Variants in GRIK1 observed in about 807,000 individuals in gnomAD.
The protein encoded by GRIK1 is glutamate receptor ionotropic, kainate 1.
A neutral mutation model predicts 105.7 loss-of-function variants in GRIK1; 69 were observed. The ratio of observed to expected loss-of-function variants is 0.65; its 90% confidence interval spans 0.54 to 0.80. GRIK1 has a LOEUF of 0.80. Ranked by LOEUF, GRIK1 falls within the 30% of genes least tolerant of loss-of-function variation. The pLI is 0.00. For missense variants in GRIK1, 1,109 were observed against 1,167.3 expected (o/e 0.95, Z 0.73); for synonymous variants, 438 against 431.3 (o/e 1.02, Z -0.19).
At chr21:29,890,934 T>G (rs930347065) in intron 1 of GRIK1, among the ~76,000 whole-genome samples, 7 of 152,150 alleles carry the variant, frequency 4.6e-5, no homozygotes, top group African/African-American at 1.7e-4. Context: ...GTATGTGTCA[T>G]AGATCACCAT....
At position 29,644,877 on chromosome 21, in the gene GRIK1, C is replaced by A. The variant is rs115816734; in HGVS notation, c.955-1908G>T. On this transcript the variant is annotated intron_variant, in intron 6 of 17. Coordinates refer to ENST00000327783, the MANE Select transcript of GRIK1 (RefSeq NM_001330994.2). ...GTCGCATGCTGTTCTAAATCCCTTG[C>A]AAACATTAAATTTTCACTATAACCT... is the stretch of plus-strand genomic sequence containing the variant. Among the ~76,000 whole-genome samples the A allele has an allele frequency of 5.6e-3, 857 of 152,252 alleles. 11 individuals carry two copies. Among genetic ancestry groups the A allele is most frequent in the African/African-American group, 0.02 (813 of 41,530 alleles).
chr21:29,561,360 G>A (rs2090475285), intron 15 of GRIK1, among the ~76,000 whole-genome samples: 1 of 152,054 alleles, frequency 6.6e-6, no homozygotes, highest in Admixed American at 6.6e-5. Context: ...AGATATTTGG[G>A]GTGAAATAAT....
intron 1 of GRIK1, among the ~76,000 whole-genome samples, chr21:29,919,725 A>C (rs2071127457): frequency 6.6e-6 from 1 of 152,126 alleles, no homozygotes; most frequent in Admixed American, 6.6e-5. Flanking sequence ...CCATATTTTT[A>C]AATGACTTCT....
rs1481817648 is a variant in GRIK1 at position 29,566,384 on chromosome 21, AT to A, written c.2131-4536del. 2.0e-5 allele frequency among the ~76,000 whole-genome samples: 3 copies of A among 152,242 alleles called. No homozygotes were observed. The East Asian group carries it at 5.8e-4, about 29-fold the overall frequency. On this transcript the variant is annotated intron_variant, in intron 14 of 17. Transcript: ENST00000327783. The stretch of plus-strand genomic sequence containing the variant: ...TTTATTAAATCTGAAATCACCCAGG[AT>A]TTTTTCTTTTTAATCCTGAGAGGCA...
At chr21:29,897,788 A>G (rs1232973896) in intron 1 of GRIK1, among the ~76,000 whole-genome samples, 1 of 152,268 alleles carries the variant, frequency 6.6e-6, no homozygotes, top group African/African-American at 2.4e-5. Context: ...GCACAAGCAT[A>G]ATAATTCCCA....
chr21:29,886,196 G>A (rs760423426), intron 1 of GRIK1, among the ~76,000 whole-genome samples: 1 of 152,092 alleles, frequency 6.6e-6, no homozygotes, highest in Non-Finnish European at 1.5e-5. Flanking sequence ...CAGAACTTGA[G>A]TTGAAACAGA....
At chr21:29,858,605 C>T (rs550066865) in intron 1 of GRIK1, among the ~76,000 whole-genome samples, 1 of 152,198 alleles carries the variant, frequency 6.6e-6, no homozygotes, top group East Asian at 1.9e-4. Flanking sequence ...CACAGCATTG[C>T]CTTTTACAAC....
intron 1 of GRIK1, among the ~76,000 whole-genome samples, chr21:29,901,206 A>G (rs2070393260): frequency 6.6e-6 from 1 of 152,210 alleles, no homozygotes; most frequent in Non-Finnish European, 1.5e-5. Flanking sequence ...GGAGAGATCT[A>G]AAATTGACAT....
intron 1 of GRIK1, among the ~76,000 whole-genome samples, chr21:29,905,871 C>T (rs988172547): frequency 5.3e-5 from 8 of 152,016 alleles, no homozygotes; most frequent in Non-Finnish European, 1.2e-4. Context: ...CAAGTGATCT[C>T]CCGACCTCGG....
At chr21:29,644,847 G>A (rs1234099877) in intron 6 of GRIK1, among the ~76,000 whole-genome samples, 1 of 152,180 alleles carries the variant, frequency 6.6e-6, no homozygotes, top group African/African-American at 2.4e-5. Flanking sequence ...GAGCACTTAT[G>A]ATATGTCGCA....
chr21:29,733,466 C>T (rs2064691837), intron 1 of GRIK1, among the ~76,000 whole-genome samples: 1 of 151,914 alleles, frequency 6.6e-6, no homozygotes, highest in South Asian at 2.1e-4. Flanking sequence ...GAAATTTGAA[C>T]ATAGTTTTAT....
At chr21:29,558,973 A>G (rs2090325770) in intron 15 of GRIK1, among the ~76,000 whole-genome samples, 1 of 152,174 alleles carries the variant, frequency 6.6e-6, no homozygotes, top group Non-Finnish European at 1.5e-5. Context: ...AAACGTTCTT[A>G]GGAGAGATGA....
chr21:29,543,944 C>T (rs1377466441), intron 16 of GRIK1, among the ~76,000 whole-genome samples: 1 of 152,108 alleles, frequency 6.6e-6, no homozygotes, highest in Non-Finnish European at 1.5e-5. Flanking sequence ...CTCCTTTTTC[C>T]CGTGTTTGCT....
rs981001315 is a variant in GRIK1, at chr21:29,806,050, G to C, written c.119-111987C>G. 2.6e-5 allele frequency among the ~76,000 whole-genome samples: 4 copies of C among 152,036 alleles called. No individual in the cohort carries two copies. In the East Asian group the frequency reaches 7.7e-4, roughly 29 times the overall value. On this transcript the variant is annotated intron_variant, in intron 1 of 17. Transcript: ENST00000327783. The stretch of plus-strand genomic sequence containing the variant: ...CTATAAAATTTTATAATAATCTAGA[G>C]TAAATAATAAAATTGTGCTGTGACA...
intron 16 of GRIK1, among the ~76,000 whole-genome samples, chr21:29,538,419 G>A (rs140917497): frequency 1.1e-3 from 167 of 152,242 alleles, no homozygotes; most frequent in Admixed American, 1.8e-3. Flanking sequence ...CTGGGAGGAA[G>A]GGAAATGGGG....
intron 7 of GRIK1, among the ~76,000 whole-genome samples, chr21:29,607,947 T>C (rs1333232733): frequency 6.6e-6 from 1 of 152,168 alleles, no homozygotes; most frequent in Non-Finnish European, 1.5e-5. Context: ...GACATGGAAT[T>C]TCCATGTTTC....
At chr21:29,686,424 G>A (rs894269913) in intron 3 of GRIK1, among the ~76,000 whole-genome samples, 2 of 152,144 alleles carry the variant, frequency 1.3e-5, no homozygotes, top group Non-Finnish European at 2.9e-5. Flanking sequence ...GAGGAAAGAA[G>A]GGCATGAAAA....
At position 29,561,790 on chromosome 21, in the gene GRIK1, G is replaced by C. The variant is rs777124061; in HGVS notation, c.2190C>G (p.Thr730=). 4 of 1,613,934 alleles carry C rather than the reference G, an allele frequency of 2.5e-6. No homozygotes were observed. The South Asian group carries it at 4.4e-5, about 18-fold the overall frequency. The change falls in exon 15 of 18, where the codon ACC becomes ACG. Residue 730 remains threonine, a synonymous_variant. Transcript: ENST00000327783. ...MWAFMSSRQQ[T]ALVRNSDEGI... is the part of the protein sequence containing the mutation. ...CCTCATCACTGTTTCTTACCAGGGCGGTCTGCTGCCTGCTGCTCATGAAAG... is the reference window on the plus strand; with the variant it reads ...CCTCATCACTGTTTCTTACCAGGGCCGTCTGCTGCCTGCTGCTCATGAAAG...
chr21:29,666,247 TACA>T (rs1326472209), intron 4 of GRIK1, among the ~76,000 whole-genome samples: 1 of 152,122 alleles, frequency 6.6e-6, no homozygotes, highest in Non-Finnish European at 1.5e-5. Context: ...CTACTAAAAA[TACA>T]ACATTAGCTG....
Sources: gnomAD v4.1 joint callset for allele counts (sites outside exome capture counted in the v4.1 genomes callset) on GRCh38, gnomAD v4.1.1 for gene constraint, MANE v1.5 for transcripts, NCBI Gene and HGNC (gene_info 2026-07-23, HGNC 2026-07-21) for gene names.